The following PLSCR2 variants were observed in gnomAD, a reference collection of about 807,000 sequenced individuals.
PLSCR2 encodes PL scramblase 2.
Under a neutral mutation model 25.3 loss-of-function variants are expected in PLSCR2, and 18 were observed. The observed-to-expected ratio is 0.71, with a 90% confidence interval of 0.49 to 1.06. The LOEUF (loss-of-function observed/expected upper bound fraction) is 1.06, where lower values mean the gene tolerates loss of function less well. Among genes scored for constraint, PLSCR2 ranks in the 50% least tolerant of loss-of-function variants. The probability of loss-of-function intolerance (pLI) is 0.00; values close to 1 mark genes in which losing one functional copy is unlikely to be tolerated. For synonymous variants in PLSCR2, 88 were observed against 87.3 expected (o/e 1.01, Z -0.04); for missense variants, 243 against 269.5 (o/e 0.90, Z 0.69).
intron 1 of PLSCR2, among the ~76,000 whole-genome samples, chr3:146,480,156 C>A (rs1172542354): frequency 6.6e-6 from 1 of 152,082 alleles, no homozygotes; most frequent in Non-Finnish European, 1.5e-5. Context: ...AATTAACACG[C>A]TAACATCACA....
chr3:146,454,976 C>T (rs1013710541), intron 4 of PLSCR2, among the ~76,000 whole-genome samples: 1 of 152,090 alleles, frequency 6.6e-6, no homozygotes, highest in East Asian at 1.9e-4. Flanking sequence ...AAAAAGGTGC[C>T]CTGTCTGACC....
downstream of PLSCR2, among the ~76,000 whole-genome samples, chr3:146,439,395 G>A (rs1048407313): frequency 3.9e-5 from 6 of 152,092 alleles, no homozygotes; most frequent in South Asian, 2.1e-4. Context: ...CATTCTCCCC[G>A]TCACTTTCAG....
upstream of PLSCR2, chr3:146,462,051 A>G (rs2041609027): frequency 3.5e-6 from 2 of 578,362 alleles, no homozygotes; most frequent in East Asian, 5.9e-5. Context: ...TTTATTGTTC[A>G]TGGATTGAAA....
chr3:146,420,866 A>G (rs1446907906), intron 2 of PLSCR2, among the ~76,000 whole-genome samples: 1 of 152,104 alleles, frequency 6.6e-6, no homozygotes, highest in Non-Finnish European at 1.5e-5. Context: ...ATGAAATCTC[A>G]TACATACAAA....
At chr3:146,424,958 C>T (rs2039288072) in intron 2 of PLSCR2, among the ~76,000 whole-genome samples, 1 of 152,066 alleles carries the variant, frequency 6.6e-6, no homozygotes, top group African/African-American at 2.4e-5. Context: ...AAGTTCTCAA[C>T]TTAATAAGGA....
intron 2 of PLSCR2, among the ~76,000 whole-genome samples, chr3:146,402,613 G>A (rs573732423): frequency 1.1e-3 from 169 of 151,910 alleles, no homozygotes; most frequent in Non-Finnish European, 2.1e-3. Flanking sequence ...GACTACAGGC[G>A]CGTGCCACCA....
At chr3:146,405,176 A>G (rs185087480) in intron 2 of PLSCR2, among the ~76,000 whole-genome samples, 1 of 152,296 alleles carries the variant, frequency 6.6e-6, no homozygotes, top group Admixed American at 6.5e-5. Flanking sequence ...GGTCTAGTTA[A>G]AACAATTTTA....
At chr3:146,452,577 A>G (rs2040965944) in intron 5 of PLSCR2, among the ~76,000 whole-genome samples, 1 of 152,182 alleles carries the variant, frequency 6.6e-6, no homozygotes, top group African/African-American at 2.4e-5. Flanking sequence ...TGCTATATGC[A>G]TTATTTTCCT....
chr3:146,476,289 A>G (rs371975668), intron 1 of PLSCR2, among the ~76,000 whole-genome samples: 202 of 152,346 alleles, frequency 1.3e-3, no homozygotes, highest in African/African-American at 4.7e-3. Flanking sequence ...TGAGAGCCAC[A>G]TGGGGCAGGG....
chr3:146,407,819 T>G (rs960070530), intron 2 of PLSCR2, among the ~76,000 whole-genome samples: 1 of 152,286 alleles, frequency 6.6e-6, no homozygotes, highest in Non-Finnish European at 1.5e-5. Flanking sequence ...GTGGTAACAG[T>G]TGCACTCGCC....
chr3:146,477,652 G>A, intron 1 of PLSCR2, among the ~76,000 whole-genome samples: 1 of 152,230 alleles, frequency 6.6e-6, no homozygotes, highest in East Asian at 1.9e-4. Flanking sequence ...ACCTTTGTGG[G>A]CAGGGCATAG....
At chr3:146,478,709 G>A (rs759029871) in intron 1 of PLSCR2, among the ~76,000 whole-genome samples, 21 of 152,108 alleles carry the variant, frequency 1.4e-4, no homozygotes, top group Non-Finnish European at 2.5e-4. Flanking sequence ...ACCTAGCAAG[G>A]CAGGCCAATG....
chr3:146,407,436 C>T (rs1439139888), intron 2 of PLSCR2, among the ~76,000 whole-genome samples: 1 of 152,152 alleles, frequency 6.6e-6, no homozygotes, highest in Non-Finnish European at 1.5e-5. Flanking sequence ...TGTGGTTTTA[C>T]TTCTGTAAAG....
At chr3:146,482,084 G>C (rs564981980) in intron 1 of PLSCR2, among the ~76,000 whole-genome samples, 2 of 152,102 alleles carry the variant, frequency 1.3e-5, no homozygotes, top group African/African-American at 2.4e-5. Flanking sequence ...ATTCAAGATG[G>C]AATAATGACT....
intron 2 of PLSCR2, among the ~76,000 whole-genome samples, chr3:146,406,702 C>G (rs1300741734): frequency 2.0e-5 from 3 of 152,136 alleles, no homozygotes; most frequent in Non-Finnish European, 4.4e-5. Context: ...CTTTTTGATG[C>G]AGGAGTGATG....
At chr3:146,414,650 T>A (rs901834825) in intron 2 of PLSCR2, among the ~76,000 whole-genome samples, 10 of 152,050 alleles carry the variant, frequency 6.6e-5, no homozygotes, top group African/African-American at 2.4e-4. Flanking sequence ...TTCATCCACA[T>A]AAAAGAAATA....
At chr3:146,458,520 G>T in intron 2 of PLSCR2, 67 bp from the exon 3 acceptor site, 1 of 1,142,544 alleles carries the variant, frequency 8.8e-7, no homozygotes, top group Non-Finnish European at 1.2e-6. Context: ...TACTATTCAT[G>T]TTTTTATTTA....
chr3:146,451,250 G>A (rs1179434741), intron 5 of PLSCR2, among the ~76,000 whole-genome samples: 1 of 151,666 alleles, frequency 6.6e-6, no homozygotes, highest in African/African-American at 2.4e-5. Flanking sequence ...GAGTAGCTGG[G>A]ATTACAGGCG....
intron 1 of PLSCR2, among the ~76,000 whole-genome samples, chr3:146,465,947 T>G (rs952078620): frequency 4.6e-5 from 7 of 152,202 alleles, no homozygotes; most frequent in Admixed American, 2.0e-4. Flanking sequence ...AGATGCATTT[T>G]TACACATGTG....
Sources: gnomAD v4.1 joint callset for allele counts (sites outside exome capture counted in the v4.1 genomes callset) on GRCh38, gnomAD v4.1.1 for gene constraint, MANE v1.5 for transcripts, NCBI Gene and HGNC (gene_info 2026-07-23, HGNC 2026-07-21) for gene names.